Variants in IRGM observed in about 807,000 individuals in gnomAD.
IRGM encodes the protein immunity related GTPase M, also known as immunity-related GTPase family M protein.
For synonymous variants in IRGM, 98 were observed against 80.6 expected, an observed-to-expected ratio of 1.22 and a Z score of -1.16; for missense variants, 288 against 219.9, an observed-to-expected ratio of 1.31 and a Z score of -1.96.
intron 3 of IRGM, among the ~76,000 whole-genome samples, chr5:150,880,397 G>T (rs1014047590): frequency 3.3e-5 from 5 of 152,146 alleles, no homozygotes; most frequent in East Asian, 1.9e-4. Flanking sequence ...AAGAACCTGG[G>T]TTTATTTTAG....
At chr5:150,895,458 A>G in intron 3 of IRGM, 1 of 1,611,240 alleles carries the variant, frequency 6.2e-7, no homozygotes, top group Non-Finnish European at 8.5e-7. Context: ...TCTCTGGTGT[A>G]CAGTTAGTTG....
intron 3 of IRGM, among the ~76,000 whole-genome samples, chr5:150,882,958 C>T (rs1051108566): frequency 1.3e-5 from 2 of 151,988 alleles, no homozygotes; most frequent in African/African-American, 2.4e-5. Context: ...CAATATAGAT[C>T]GTGTGTTCAC....
intron 1 of IRGM, among the ~76,000 whole-genome samples, chr5:150,862,848 G>T (rs1034334142): frequency 6.6e-6 from 1 of 152,174 alleles, no homozygotes; most frequent in Non-Finnish European, 1.5e-5. Flanking sequence ...TGGGAAGTTA[G>T]ATCTTGCAAA....
At chr5:150,866,534 G>C (rs574155755) in intron 1 of IRGM, among the ~76,000 whole-genome samples, 20 of 152,268 alleles carry the variant, frequency 1.3e-4, no homozygotes, top group African/African-American at 4.8e-4. Flanking sequence ...ACAACCCATT[G>C]TCTTTTTGGT....
At chr5:150,847,508 A>C (rs1005063060) in intron 1 of IRGM, 1 of 152,640 alleles carries the variant, frequency 6.6e-6, no homozygotes, top group African/African-American at 2.4e-5. Context: ...TCGGAGGCAC[A>C]ACCGGCCTCA....
At chr5:150,869,618 TTG>T (rs1286349329) in intron 1 of IRGM, among the ~76,000 whole-genome samples, 56 of 152,304 alleles carry the variant, frequency 3.7e-4, no homozygotes, top group African/African-American at 1.3e-3. Context: ...CTGGACTTTT[TTG>T]TTGGCAATTT....
At chr5:150,869,261 G>A (rs1490268417) in intron 1 of IRGM, among the ~76,000 whole-genome samples, 2 of 152,070 alleles carry the variant, frequency 1.3e-5, no homozygotes, top group Non-Finnish European at 2.9e-5. Flanking sequence ...TTTTAATTCT[G>A]TTTATGTGGT....
chr5:150,861,347 T>C (rs1470169800), intron 1 of IRGM, among the ~76,000 whole-genome samples: 1 of 152,164 alleles, frequency 6.6e-6, no homozygotes, highest in Admixed American at 6.5e-5. Context: ...GGGGGCTGGA[T>C]CCTAGGAGTG....
intron 3 of IRGM, chr5:150,898,586 T>C: frequency 6.5e-7 from 1 of 1,548,280 alleles, no homozygotes; most frequent in South Asian, 1.2e-5. Context: ...CAATCTGAAA[T>C]GATCATTCTC....
At position 150,848,676 on chromosome 5, in the gene IRGM, T is replaced by A. The variant is rs1753926832; in HGVS notation, c.*7T>A. On this transcript the variant is annotated 3_prime_UTR_variant, in exon 2 of 2. Transcript: ENST00000522154. ...GCGGGTATGTGAATACTAATTCCTGTCTTCATTAAACATTTTCCATCTCCT... is the reference window on the plus strand; with the variant it reads ...GCGGGTATGTGAATACTAATTCCTGACTTCATTAAACATTTTCCATCTCCT... 1 of 1,501,612 alleles carries A rather than the reference T, an allele frequency of 6.7e-7. No individual in the cohort carries two copies. Among genetic ancestry groups the A allele is most frequent in the African/African-American group, 1.4e-5 (1 of 71,404 alleles). The allele number at this position is 1,501,612 out of a possible 1,614,324, so 93.0% of individuals were successfully genotyped here.
intron 1 of IRGM, 52 bp downstream of exon 1, chr5:150,847,272 A>G (rs1244742955): frequency 6.6e-6 from 1 of 152,408 alleles, no homozygotes; most frequent in Non-Finnish European, 1.5e-5. Flanking sequence ...TGGGAATTGG[A>G]TGTTTTATGT....
chr5:150,872,381 A>G (rs576645995), intron 1 of IRGM, among the ~76,000 whole-genome samples: 1 of 152,286 alleles, frequency 6.6e-6, no homozygotes, highest in African/African-American at 2.4e-5. Flanking sequence ...GGCAACAGTG[A>G]TGGCCTCCCC....
At chr5:150,885,114 G>C (rs753814998) in intron 3 of IRGM, among the ~76,000 whole-genome samples, 10 of 152,252 alleles carry the variant, frequency 6.6e-5, no homozygotes, top group Admixed American at 6.5e-4. Context: ...AAGGGGTTCA[G>C]CTTCAATCTT....
chr5:150,896,484 T>A lies in IRGM; in HGVS notation c.*141-4105T>A, dbSNP rs371578883. ...CTGATATTGAATAAGGGATTGTGTA[T>A]TTCTAAAAACGTTTCCACACTGATT... On this transcript the variant is annotated intron_variant and NMD_transcript_variant, in intron 3 of 3. Transcript: ENST00000520549. The A allele has an allele frequency of 1.1e-5, 17 of 1,613,358 alleles. No individual in the cohort carries two copies. The highest frequency in any genetic ancestry group is 4.5e-5 in the East Asian group (2 of 44,866).
At chr5:150,897,835 G>A (rs1207026102) in intron 3 of IRGM, 2 of 448,442 alleles carry the variant, frequency 4.5e-6, no homozygotes, top group East Asian at 6.9e-5. Context: ...GCCTTCTATT[G>A]CCTTTAAAAC....
chr5:150,857,289 C>T (rs1754072067), intron 1 of IRGM, among the ~76,000 whole-genome samples: 2 of 152,134 alleles, frequency 1.3e-5, no homozygotes, highest in Non-Finnish European at 2.9e-5. Context: ...GCATAGTATT[C>T]CATGTTGTAT....
intron 3 of IRGM, among the ~76,000 whole-genome samples, chr5:150,888,621 A>G (rs1235324881): frequency 6.7e-6 from 1 of 149,846 alleles, no homozygotes; most frequent in Non-Finnish European, 1.5e-5. Context: ...CTCAGACCAC[A>G]GAATAATAAA....
At chr5:150,859,615 G>A (rs1463772973) in intron 1 of IRGM, among the ~76,000 whole-genome samples, 2 of 152,132 alleles carry the variant, frequency 1.3e-5, no homozygotes, top group African/African-American at 4.8e-5. Context: ...GCCTGTTATT[G>A]GTCTATTCAG....
At chr5:150,898,899 T>C (rs754101626) in intron 3 of IRGM, among the ~76,000 whole-genome samples, 37 of 152,034 alleles carry the variant, frequency 2.4e-4, no homozygotes, top group Non-Finnish European at 4.9e-4. Context: ...CCTGAATATT[T>C]ATATGTTGAA....
Sources: allele counts gnomAD v4.1 joint callset (sites outside exome capture counted in the v4.1 genomes callset), GRCh38; gene constraint gnomAD v4.1.1; transcripts MANE v1.5; gene names NCBI Gene and HGNC (gene_info 2026-07-23, HGNC 2026-07-21).